Variants in NTM observed in about 807,000 individuals in gnomAD.
The protein encoded by NTM is IgLON family member 2.
NTM carries 13 observed loss-of-function variants against 42.1 expected under a neutral mutation model. The observed-to-expected ratio is 0.31, with a 90% CI of 0.20 to 0.49. NTM has a LOEUF of 0.49. Ranked by LOEUF, NTM falls within the 20% of genes least tolerant of loss-of-function variation. NTM has a pLI of 0.99. For synonymous variants in NTM, 187 were observed against 179.2 expected (o/e 1.04, Z -0.35); for missense variants, 373 against 452.8 (o/e 0.82, Z 1.60).
At chr11:131,589,444 CACATCCATTCTCCAT>C (rs2059169739) in intron 1 of NTM, among the ~76,000 whole-genome samples, 1 of 152,174 alleles carries the variant, frequency 6.6e-6, no homozygotes, top group Admixed American at 6.5e-5. Context: ...AAGCTGACTA[CACATCCATTCTCCAT>C]CCAGAAACTG....
At chr11:131,609,728 T>C (rs373822309) in intron 1 of NTM, among the ~76,000 whole-genome samples, 8 of 152,346 alleles carry the variant, frequency 5.3e-5, no homozygotes, top group Middle Eastern at 3.4e-3. Context: ...CTACTCTCCT[T>C]TATTCACTCC....
intron 2 of NTM, among the ~76,000 whole-genome samples, chr11:132,037,223 G>T (rs1057316188): frequency 6.6e-6 from 1 of 151,894 alleles, no homozygotes; most frequent in Non-Finnish European, 1.5e-5. Context: ...AGATCTGCTT[G>T]TGGAAAAGAG....
At chr11:131,700,436 T>C (rs2075958820) in intron 1 of NTM, among the ~76,000 whole-genome samples, 1 of 152,170 alleles carries the variant, frequency 6.6e-6, no homozygotes, top group Non-Finnish European at 1.5e-5. Flanking sequence ...TTCACAACTG[T>C]TCATTCTATA....
chr11:131,699,475 G>C (rs946378203), intron 1 of NTM, among the ~76,000 whole-genome samples: 3 of 152,148 alleles, frequency 2.0e-5, no homozygotes, highest in East Asian at 3.9e-4. Flanking sequence ...GGCACAAAAG[G>C]CTTTCTGTAG....
chr11:131,374,213 A>T (rs978963747), intron 1 of NTM, among the ~76,000 whole-genome samples: 2 of 152,198 alleles, frequency 1.3e-5, no homozygotes, highest in East Asian at 3.9e-4. Context: ...TGGGGCTGCC[A>T]ACTTGAGGCA....
chr11:132,261,403 C>T (rs903688013), intron 4 of NTM, among the ~76,000 whole-genome samples: 1 of 152,182 alleles, frequency 6.6e-6, no homozygotes, highest in Non-Finnish European at 1.5e-5. Flanking sequence ...CTGGGGGGCA[C>T]AGACGCACGG....
chr11:132,300,509 A>G (rs929222563), intron 4 of NTM, among the ~76,000 whole-genome samples: 2 of 152,164 alleles, frequency 1.3e-5, no homozygotes, highest in African/African-American at 4.8e-5. Context: ...AGTGGTGCTT[A>G]CAGCTGCTAT....
intron 2 of NTM, among the ~76,000 whole-genome samples, chr11:132,104,937 G>GTGTATATA (rs1169190929): frequency 1.6e-5 from 1 of 61,824 alleles, no homozygotes; most frequent in Non-Finnish European, 3.0e-5. Context: ...ATATACATAT[G>GTGTATATA]TATATATATA....
intron 2 of NTM, among the ~76,000 whole-genome samples, chr11:132,029,913 G>A (rs561438085): frequency 6.6e-6 from 1 of 152,232 alleles, no homozygotes; most frequent in South Asian, 2.1e-4. Context: ...TATTTAGGAG[G>A]CATCAGCAGT....
chr11:132,213,022 G>A (rs1297167895), intron 4 of NTM, among the ~76,000 whole-genome samples: 1 of 152,104 alleles, frequency 6.6e-6, no homozygotes, highest in Non-Finnish European at 1.5e-5. Context: ...AACAGGATGT[G>A]TTGACAGAAT....
chr11:131,676,441 G>C (rs1410326902), intron 1 of NTM, among the ~76,000 whole-genome samples: 1 of 152,160 alleles, frequency 6.6e-6, no homozygotes, highest in Non-Finnish European at 1.5e-5. Flanking sequence ...GTGTATCTGT[G>C]TGTGTGTGTG....
At chr11:131,421,788 T>C (rs1194994802) in intron 1 of NTM, among the ~76,000 whole-genome samples, 3 of 152,214 alleles carry the variant, frequency 2.0e-5, no homozygotes, top group Non-Finnish European at 4.4e-5. Context: ...ATATTTAGCA[T>C]TGTGATTATT....
intron 2 of NTM, among the ~76,000 whole-genome samples, chr11:132,028,407 G>A (rs182226997): frequency 6.6e-6 from 1 of 152,220 alleles, no homozygotes; most frequent in East Asian, 1.9e-4. Context: ...TGTTGTAACT[G>A]TGTCAGAGGT....
intron 2 of NTM, among the ~76,000 whole-genome samples, chr11:131,977,829 C>T (rs78911365): frequency 2.0e-5 from 3 of 152,296 alleles, no homozygotes; most frequent in Non-Finnish European, 4.4e-5. Context: ...TTCTCAGGGA[C>T]CCATTAACAG....
chr11:132,330,864 C>T (rs1381429709), intron 8 of NTM, among the ~76,000 whole-genome samples: 2 of 152,196 alleles, frequency 1.3e-5, no homozygotes, highest in Non-Finnish European at 1.5e-5. Context: ...GCCTCATCTG[C>T]GTGGCCCATG....
chr11:132,314,831 A>C, intron 7 of NTM, 128 bp downstream of exon 7: 3 of 1,402,756 alleles, frequency 2.1e-6, no homozygotes, highest in Non-Finnish European at 2.8e-6. Context: ...GAGGGAGGAA[A>C]AAAAAGAGAG....
chr11:131,795,548 G>C, intron 1 of NTM: 1 of 985,364 alleles, frequency 1.0e-6, no homozygotes, highest in Non-Finnish European at 1.2e-6. Context: ...GCTCTGTCAG[G>C]ATACAGCATG....
intron 1 of NTM, among the ~76,000 whole-genome samples, chr11:131,831,302 C>A (rs2042787652): frequency 6.6e-6 from 1 of 152,104 alleles, no homozygotes; most frequent in African/African-American, 2.4e-5. Flanking sequence ...TTGTAGTTTG[C>A]CCTTGCTTAC....
intron 2 of NTM, among the ~76,000 whole-genome samples, chr11:131,926,354 T>C (rs1481457442): frequency 6.6e-6 from 1 of 152,008 alleles, no homozygotes; most frequent in African/African-American, 2.4e-5. Flanking sequence ...GTGGAAAGTA[T>C]TGGGGCAGGA....
Sources: gnomAD v4.1 joint callset for allele counts (sites outside exome capture counted in the v4.1 genomes callset) on GRCh38, gnomAD v4.1.1 for gene constraint, MANE v1.5 for transcripts, NCBI Gene and HGNC (gene_info 2026-07-23, HGNC 2026-07-21) for gene names.